The following PHB1 variants were observed in gnomAD, a reference collection of about 807,000 sequenced individuals.
PHB1 encodes the protein prohibitin 1, also known as epididymis luminal protein 215.
the PHB1 span, chr17:49,412,062 C>G: frequency 8.5e-6 from 4 of 471,584 alleles, no homozygotes; most frequent in Non-Finnish European, 1.1e-5. Flanking sequence ...AGGACCTGTT[C>G]CTTAGCATCC....
At chr17:49,406,507 G>T in the PHB1 span, among the ~76,000 whole-genome samples, 4 of 152,364 alleles carry the variant, frequency 2.6e-5, no homozygotes, top group East Asian at 5.8e-4. Flanking sequence ...ATTTGTAAGA[G>T]AGTGTTTTTG....
chr17:49,409,246 A>C, the PHB1 span: 2 of 1,588,368 alleles, frequency 1.3e-6, no homozygotes, highest in East Asian at 4.5e-5. Context: ...CATCCCAACC[A>C]ACCCACTGCC....
the PHB1 span, chr17:49,411,832 A>G: frequency 1.9e-6 from 3 of 1,613,618 alleles, no homozygotes; most frequent in East Asian, 4.5e-5. Flanking sequence ...CTCTGTGCCC[A>G]GCATCCACTA....
At chr17:49,404,954 G>A in the PHB1 span, 2 of 1,369,166 alleles carry the variant, frequency 1.5e-6, no homozygotes, top group East Asian at 2.5e-5. Flanking sequence ...CGGGGCTGTG[G>A]CCCAGTCAGC....
At chr17:49,404,623 G>A in the PHB1 span, 3 of 305,516 alleles carry the variant, frequency 9.8e-6, no homozygotes, top group South Asian at 3.0e-5. Context: ...GAGGCCACAC[G>A]TGGATCTAGG....
At chr17:49,408,848 CA>C in the PHB1 span, 3 of 552,882 alleles carry the variant, frequency 5.4e-6, no homozygotes, top group Non-Finnish European at 9.7e-6. Flanking sequence ...ATGTGTGTGG[CA>C]GGGGGAAGGT....
the PHB1 span, among the ~76,000 whole-genome samples, chr17:49,410,083 A>C: frequency 6.7e-6 from 1 of 149,326 alleles, no homozygotes; most frequent in Admixed American, 6.7e-5. Context: ...GGGTTTCGCC[A>C]TATTTCCCAG....
At chr17:49,407,828 G>A in the PHB1 span, among the ~76,000 whole-genome samples, 1 of 152,050 alleles carries the variant, frequency 6.6e-6, no homozygotes, top group African/African-American at 2.4e-5. Flanking sequence ...GTTGTACTTC[G>A]CCTGATCCAT....
At chr17:49,413,031 G>A in the PHB1 span, 1 of 635,104 alleles carries the variant, frequency 1.6e-6, no homozygotes, top group South Asian at 1.8e-5. Flanking sequence ...ATGCAGTCCT[G>A]TGGTATGAAA....
chr17:49,407,291 G>A, the PHB1 span: 1 of 168,972 alleles, frequency 5.9e-6, no homozygotes, highest in Admixed American at 5.5e-5. Flanking sequence ...TGAGAGTGAG[G>A]GAGGCAGCTG....
the PHB1 span, chr17:49,413,092 A>T: frequency 1.0e-6 from 1 of 952,518 alleles, no homozygotes; most frequent in Non-Finnish European, 1.7e-6. Context: ...GACGGCAGCT[A>T]CCATCAAGAG....
the PHB1 span, chr17:49,404,934 TAAG>T: frequency 8.5e-7 from 1 of 1,170,148 alleles, no homozygotes; most frequent in East Asian, 2.6e-5. Context: ...AAGGCTGTGT[TAAG>T]AATCATCGGG....
At chr17:49,411,231 C>T in the PHB1 span, among the ~76,000 whole-genome samples, 1 of 140,346 alleles carries the variant, frequency 7.1e-6, no homozygotes, top group Non-Finnish European at 1.5e-5. Context: ...GACAGAGTCT[C>T]ACTCTGTTGC....
At chr17:49,407,567 A>G in the PHB1 span, 1 of 152,262 alleles carries the variant, frequency 6.6e-6, no homozygotes, top group African/African-American at 2.4e-5. Context: ...CCCTAAAGAT[A>G]GCACAAACAA....
the PHB1 span, chr17:49,413,162 C>T: frequency 6.3e-7 from 1 of 1,589,980 alleles, no homozygotes; most frequent in African/African-American, 1.3e-5. Context: ...GACCCACTGT[C>T]CCTCCATGCC....
chr17:49,409,886 A>G, the PHB1 span, among the ~76,000 whole-genome samples: 1 of 151,632 alleles, frequency 6.6e-6, no homozygotes, highest in African/African-American at 2.4e-5. Flanking sequence ...TACAATTTTT[A>G]TTTATGTATT....
At chr17:49,413,413 A>T in the PHB1 span, 2 of 634,194 alleles carry the variant, frequency 3.2e-6, no homozygotes, top group South Asian at 3.6e-5. Context: ...GAAAGTGCTA[A>T]ATCATCCATT....
chr17:49,407,827 C>T, the PHB1 span, among the ~76,000 whole-genome samples: 1 of 152,146 alleles, frequency 6.6e-6, no homozygotes, highest in Non-Finnish European at 1.5e-5. Context: ...TGTTGTACTT[C>T]GCCTGATCCA....
the PHB1 span, among the ~76,000 whole-genome samples, chr17:49,407,646 G>A: frequency 6.6e-6 from 1 of 152,112 alleles, no homozygotes; most frequent in South Asian, 2.1e-4. Context: ...AATTTTTATT[G>A]AAAAAGAATC....
Sources: gnomAD v4.1 joint callset for allele counts (sites outside exome capture counted in the v4.1 genomes callset) on GRCh38, gnomAD v4.1.1 for gene constraint, MANE v1.5 for transcripts, NCBI Gene and HGNC (gene_info 2026-07-23, HGNC 2026-07-21) for gene names.